ARL10: variants seen among roughly 807,000 people sequenced by gnomAD.
The protein encoded by ARL10 is ADP-ribosylation factor-like protein 10.
Under a neutral mutation model 26.1 loss-of-function variants are expected in ARL10, and 23 were observed. The observed-to-expected ratio is 0.88, with a 90% confidence interval of 0.63 to 1.25. ARL10 has a LOEUF of 1.25. Among genes scored for constraint, ARL10 ranks in the 50% most tolerant of loss-of-function variants. ARL10 has a pLI of 0.00. For missense variants in ARL10, 300 were observed against 323.6 expected (o/e 0.93, Z 0.56); for synonymous variants, 138 against 149.1 (o/e 0.93, Z 0.54).
In ARL10 at chr5:176,368,117, C is replaced by CG. The variant is rs1259859166; in HGVS notation, c.386-686dup. On this transcript the variant is annotated intron_variant, in intron 2 of 3. Transcript: ENST00000310389. The surrounding 1 kb of genome is among the most constrained non-coding windows in gnomAD (Gnocchi z 4.1). The stretch of plus-strand genomic sequence containing the variant: ...AAACATAGCCAGAAACACTAGGGTG[C>CG]GGGGTGACCAATGGGACTGTGCAGA... 4.2e-6 allele frequency: 2 copies of CG among 478,708 alleles called. No homozygotes were observed. The highest frequency in any genetic ancestry group is 8.4e-6 in the Non-Finnish European group (2 of 237,916). The allele number at this position is 478,708 out of a possible 1,614,324, so 29.7% of individuals were successfully genotyped here. A position where few individuals can be genotyped will look rare whatever the true frequency, so the allele number is the denominator to read the frequency against.
At chr5:176,369,111 C>T in intron 3 of ARL10, 129 bp downstream of exon 3, 1 of 1,536,826 alleles carries the variant, frequency 6.5e-7, no homozygotes. Flanking sequence ...ACCTCTTCTA[C>T]CTATGCCCTG....
At position 176,373,047 on chromosome 5, in the gene ARL10, T is replaced by C. The variant is rs902847350; in HGVS notation, c.*1152T>C. On this transcript the variant is annotated 3_prime_UTR_variant, in exon 4 of 4. Coordinates refer to ENST00000310389, the MANE Select transcript of ARL10 (RefSeq NM_173664.6). Reference sequence around the variant, plus strand: ...TCACATGAACTGAAACGCCACCACTTGGCCCAGGATGTTGAAAGGGTGCAA... The same window carrying C: ...TCACATGAACTGAAACGCCACCACTCGGCCCAGGATGTTGAAAGGGTGCAA... 3 of 398,624 alleles carry C rather than the reference T, an allele frequency of 7.5e-6. No homozygotes were observed. Among genetic ancestry groups the C allele is most frequent in the Non-Finnish European group, 8.8e-6 (2 of 226,054 alleles). The allele number at this position is 398,624 out of a possible 1,614,324, so 24.7% of individuals were successfully genotyped here. A position where few individuals can be genotyped will look rare whatever the true frequency, so the allele number is the denominator to read the frequency against.
At chr5:176,396,074 G>A (rs1409248651) in intron 1 of ARL10, among the ~76,000 whole-genome samples, 9 of 152,114 alleles carry the variant, frequency 5.9e-5, no homozygotes, top group African/African-American at 1.2e-4. Flanking sequence ...GGTGGAGGTC[G>A]CAGTGAGCCG....
the ARL10 span, among the ~76,000 whole-genome samples, chr5:176,411,555 C>T: frequency 2.0e-5 from 3 of 152,174 alleles, no homozygotes; most frequent in Non-Finnish European, 4.4e-5. Flanking sequence ...CAGTATTAAG[C>T]GCACTTACTA....
downstream of ARL10, among the ~76,000 whole-genome samples, chr5:176,403,107 T>C (rs1003540249): frequency 6.7e-6 from 1 of 150,230 alleles, no homozygotes; most frequent in African/African-American, 2.5e-5. Flanking sequence ...TGGAGTGCAG[T>C]GTCAGGATCT....
chr5:176,406,553 G>A (rs1166971282), downstream of ARL10: 1 of 1,278,840 alleles, frequency 7.8e-7, no homozygotes, highest in Non-Finnish European at 1.0e-6. Context: ...GGAAAGGAGA[G>A]AGGATCTGTG....
chr5:176,382,699 T>C (rs1755581991), downstream of ARL10, among the ~76,000 whole-genome samples: 1 of 152,166 alleles, frequency 6.6e-6, no homozygotes, highest in Non-Finnish European at 1.5e-5. Flanking sequence ...AGGCTGCTTC[T>C]GCAGTGGGCC....
chr5:176,408,815 C>T, the ARL10 span, among the ~76,000 whole-genome samples: 3 of 152,222 alleles, frequency 2.0e-5, no homozygotes, highest in African/African-American at 7.2e-5. Flanking sequence ...CCGCCGTGCC[C>T]GGCTGGGTTT....
In ARL10 at chr5:176,387,451, C is replaced by A. The variant is rs576230809; in HGVS notation, c.37-844C>A. Among the ~76,000 whole-genome samples, 8 of 152,328 alleles carry A rather than the reference C, an allele frequency of 5.3e-5. No individual in the cohort carries two copies. In the South Asian group the frequency reaches 6.2e-4, roughly 12 times the overall value. On this transcript the variant is annotated intron_variant, in intron 1 of 1. Coordinates refer to the ARL10 transcript ENST00000503175. ...TAGTTAACCTAATGAATGGGCTTCG[C>A]GAATGAATTTGTTCCATTGCCTTAG... is the stretch of plus-strand genomic sequence containing the variant.
At chr5:176,407,264 T>C in the ARL10 span, among the ~76,000 whole-genome samples, 1 of 152,170 alleles carries the variant, frequency 6.6e-6, no homozygotes, top group Non-Finnish European at 1.5e-5. Context: ...AGCTTCGTGA[T>C]GCTAATCTTT....
intron 1 of ARL10, among the ~76,000 whole-genome samples, chr5:176,396,256 C>G (rs1394815704): frequency 6.6e-6 from 1 of 152,132 alleles, no homozygotes; most frequent in East Asian, 1.9e-4. Context: ...ATTCCTTTCT[C>G]TGCCTTTATC....
downstream of ARL10, chr5:176,388,740 C>T: frequency 6.5e-7 from 1 of 1,548,556 alleles, no homozygotes; most frequent in Non-Finnish European, 8.7e-7. Flanking sequence ...TCAATTTATT[C>T]GTTTCCCCGC....
At position 176,381,436 on chromosome 5, in the gene ARL10, A is replaced by G. The variant is rs1222739628; in HGVS notation, c.*9541A>G. 1 of 152,248 alleles carries G rather than the reference A, an allele frequency of 6.6e-6. No homozygotes were observed. The highest frequency in any genetic ancestry group is 1.5e-5 in the Non-Finnish European group (1 of 68,050). The allele number at this position is 152,248 out of a possible 1,614,324, so 9.4% of individuals were successfully genotyped here. A position where few individuals can be genotyped will look rare whatever the true frequency, so the allele number is the denominator to read the frequency against. On this transcript the variant is annotated 3_prime_UTR_variant, in exon 4 of 4. Coordinates refer to ENST00000310389, the MANE Select transcript of ARL10 (RefSeq NM_173664.6). ...ACCAGTTTGTTAAAAGAAAAATTTT[A>G]TAGACAAGTTAACTTTAACAGAGCA...
chr5:176,373,222 C>T lies in ARL10; in HGVS notation c.*1327C>T. The T allele has an allele frequency of 2.5e-6, 1 of 394,686 alleles. No homozygotes were observed. Among genetic ancestry groups the T allele is most frequent in the Admixed American group, 4.4e-5 (1 of 22,618 alleles). The allele number at this position is 394,686 out of a possible 1,614,324, so 24.4% of individuals were successfully genotyped here. On this transcript the variant is annotated 3_prime_UTR_variant, in exon 4 of 4. Coordinates refer to ENST00000310389, the MANE Select transcript of ARL10 (RefSeq NM_173664.6). The stretch of plus-strand genomic sequence containing the variant: ...GATGGCCTTGGGTACATCACTCAGC[C>T]TTTCTGGACCCAATTTTTCCCCAGT...
chr5:176,389,009 A>G, downstream of ARL10: 2 of 1,611,252 alleles, frequency 1.2e-6, no homozygotes, highest in Non-Finnish European at 1.7e-6. Context: ...CAAGGAGAGG[A>G]CAGTGATGTC....
chr5:176,369,917 C>G (rs372141152), intron 3 of ARL10, among the ~76,000 whole-genome samples: 1 of 149,192 alleles, frequency 6.7e-6, no homozygotes, highest in East Asian at 2.0e-4. Flanking sequence ...TGTGATCACA[C>G]TACTGCACTC....
rs1755513901 is a variant in ARL10, at chr5:176,380,029, T to C, written c.*8134T>C. ...TGGCTCTAAGCTCAGCTTTAGACCA[T>C]GGAGTAAAAGTGGTTACAGCAGGCA... On this transcript the variant is annotated 3_prime_UTR_variant, in exon 4 of 4. Transcript: ENST00000310389. The C allele has an allele frequency of 6.6e-6, 1 of 152,238 alleles. No homozygotes were observed. Among genetic ancestry groups the C allele is most frequent in the African/African-American group, 2.4e-5 (1 of 41,458 alleles). The allele number at this position is 152,238 out of a possible 1,614,324, so 9.4% of individuals were successfully genotyped here. A position where few individuals can be genotyped will look rare whatever the true frequency, so the allele number is the denominator to read the frequency against.
rs2647 is a variant in ARL10, at chr5:176,374,975, G to A, written c.*3080G>A. 0.61 allele frequency: 93,168 copies of A among 152,030 alleles called. 29,165 individuals are homozygous for A. The highest frequency in any genetic ancestry group is 0.7 in the Middle Eastern group (206 of 294). The allele number at this position is 152,030 out of a possible 1,614,324, so 9.4% of individuals were successfully genotyped here. A position where few individuals can be genotyped will look rare whatever the true frequency, so the allele number is the denominator to read the frequency against. On this transcript the variant is annotated 3_prime_UTR_variant, in exon 4 of 4. Coordinates refer to ENST00000310389, the MANE Select transcript of ARL10 (RefSeq NM_173664.6). The stretch of plus-strand genomic sequence containing the variant: ...TAGAATCAGGAAAGATAAGCACAGC[G>A]TTCAGTTTTGTTCAGCACCATACAC...
chr5:176,388,700 G>A (rs1756103779), downstream of ARL10: 3 of 1,426,868 alleles, frequency 2.1e-6, no homozygotes, highest in Admixed American at 2.0e-5. Context: ...CTCCCAGGAT[G>A]CAACGAGCAT....
Sources: gnomAD v4.1 joint callset for allele counts (sites outside exome capture counted in the v4.1 genomes callset) on GRCh38, gnomAD v4.1.1 for gene constraint, Gnocchi (gnomAD v3.1) non-coding constraint, MANE v1.5 for transcripts, NCBI Gene and HGNC (gene_info 2026-07-23, HGNC 2026-07-21) for gene names.